The following TP53I13 variants were observed in gnomAD, a reference collection of about 807,000 sequenced individuals.
TP53I13 encodes tumor protein p53-inducible protein 13.
A neutral mutation model predicts 39.1 loss-of-function variants in TP53I13; 27 were observed. That is an observed-to-expected ratio of 0.69 (90% CI 0.51 to 0.95). TP53I13 has a LOEUF of 0.95. Among genes scored for constraint, TP53I13 ranks in the 40% least tolerant of loss-of-function variants. TP53I13 has a pLI of 0.00. For synonymous variants in TP53I13, 230 were observed against 224.6 expected (o/e 1.02, Z -0.22); for missense variants, 544 against 520.4 (o/e 1.05, Z -0.44).
downstream of TP53I13, among the ~76,000 whole-genome samples, chr17:29,577,448 G>A (rs912331188): frequency 2.0e-5 from 3 of 152,134 alleles, no homozygotes; most frequent in Non-Finnish European, 4.4e-5. Flanking sequence ...AGCAGAGGCC[G>A]GAACACCCAC....
chr17:29,566,693 C>A (rs957259306), upstream of TP53I13: 1 of 1,588,382 alleles, frequency 6.3e-7, no homozygotes, highest in Non-Finnish European at 8.5e-7. Flanking sequence ...GCCTCCAGCG[C>A]CTCTGAGCGC....
chr17:29,579,205 A>G, the TP53I13 span: 1 of 582,878 alleles, frequency 1.7e-6, no homozygotes, highest in South Asian at 2.1e-5. Flanking sequence ...CACCAGTGTC[A>G]GCCACCTGGC....
chr17:29,567,949 G>A (rs900701508), upstream of TP53I13: 1 of 152,094 alleles, frequency 6.6e-6, no homozygotes, highest in Non-Finnish European at 1.5e-5. This position sits in a 1 kb window ranked among gnomAD's most constrained non-coding sequence, Gnocchi z 6.6. Flanking sequence ...GCGCCCCGCT[G>A]CGGGGCGGGC....
downstream of TP53I13, chr17:29,575,761 A>G: frequency 1.3e-6 from 2 of 1,598,500 alleles, no homozygotes; most frequent in Non-Finnish European, 1.7e-6. This position sits in a 1 kb window ranked among gnomAD's most constrained non-coding sequence, Gnocchi z 5.5. Flanking sequence ...CACTGCCCCT[A>G]GCCCACACGG....
chr17:29,581,737 C>T, the TP53I13 span: 1 of 1,607,396 alleles, frequency 6.2e-7, no homozygotes, highest in Non-Finnish European at 8.5e-7. The surrounding 1 kb of genome is among the most constrained non-coding windows in gnomAD (Gnocchi z 4.8). Flanking sequence ...CCAAGCTCTG[C>T]TCACCCGGCT....
At chr17:29,570,873 C>T (rs1414066219) in intron 3 of TP53I13, 3 of 152,552 alleles carry the variant, frequency 2.0e-5, no homozygotes, top group Non-Finnish European at 4.4e-5. Flanking sequence ...CCATACTCCC[C>T]CAGCCATCTT....
chr17:29,577,171 C>T (rs747932714), downstream of TP53I13: 9 of 1,613,968 alleles, frequency 5.6e-6, no homozygotes, highest in East Asian at 8.9e-5. Flanking sequence ...CTGCTGTCTC[C>T]GCTTGGCCTC....
the TP53I13 span, among the ~76,000 whole-genome samples, chr17:29,579,850 C>T: frequency 6.6e-6 from 1 of 152,262 alleles, no homozygotes; most frequent in Admixed American, 6.5e-5. Context: ...AAGCAGCCTG[C>T]AAGTCACACA....
chr17:29,572,003 T>A lies in TP53I13; in HGVS notation c.459T>A (p.Ala153=). ...WIYCESLSGP[A]PSEPTPGRGR... ...ACTGTGAAAGCCTTTCAGGGCCTGC[T>A]CCCTCCGAGCCAACTCCCGGTAGAG... Residue 153 remains alanine (A), a synonymous_variant, in exon 5 of 7, where the codon GCT becomes GCA. Coordinates refer to ENST00000301057, the MANE Select transcript of TP53I13 (RefSeq NM_138349.4). 1 of 1,613,038 alleles carries A rather than the reference T, an allele frequency of 6.2e-7. No homozygotes were observed. Among genetic ancestry groups the A allele is most frequent in the East Asian group, 2.2e-5 (1 of 44,866 alleles).
chr17:29,567,651 G>A (rs528944307), upstream of TP53I13, among the ~76,000 whole-genome samples: 417 of 152,198 alleles, frequency 2.7e-3, 3 homozygotes, highest in African/African-American at 9.9e-3. The surrounding 1 kb of genome is among the most constrained non-coding windows in gnomAD (Gnocchi z 6.6). Flanking sequence ...CCTCGCCCCC[G>A]TCCCCGCGAG....
chr17:29,576,866 G>C (rs1046210524), downstream of TP53I13: 1 of 1,575,660 alleles, frequency 6.3e-7, no homozygotes. Context: ...CTCAGACCCG[G>C]GCCCGGTTGC....
chr17:29,577,807 G>T, downstream of TP53I13: 3 of 975,242 alleles, frequency 3.1e-6, no homozygotes, highest in Non-Finnish European at 5.0e-6. Flanking sequence ...GGGTGGGGAA[G>T]CACTGAGCCC....
At chr17:29,577,729 G>C, downstream of TP53I13, 2 of 1,609,710 alleles carry the variant, frequency 1.2e-6, no homozygotes, top group Non-Finnish European at 1.7e-6. Context: ...TGTGGTTTTG[G>C]GTAGCCAGCC....
chr17:29,575,375 C>G, downstream of TP53I13: 1 of 1,613,680 alleles, frequency 6.2e-7, no homozygotes, highest in South Asian at 1.1e-5. This position sits in a 1 kb window ranked among gnomAD's most constrained non-coding sequence, Gnocchi z 5.5. Flanking sequence ...ATCCTCTGTG[C>G]TGGGAAGCCC....
At chr17:29,569,531 A>G (rs2032846821) in intron 3 of TP53I13, 172 bp downstream of exon 3, 1 of 601,370 alleles carries the variant, frequency 1.7e-6, no homozygotes, top group Non-Finnish European at 2.9e-6. Context: ...GATCAGCCCC[A>G]GGACAGATGG....
rs1238622950 is a variant in TP53I13, at chr17:29,572,171, C to T, written c.543C>T (p.Ser181=). 7.5e-6 allele frequency: 12 copies of T among 1,607,996 alleles called. No homozygotes were observed. Among genetic ancestry groups the T allele is most frequent in the African/African-American group, 1.3e-5 (1 of 74,824 alleles). ...TGGCTCTGGCCTTTGCTCTGCGGAG[C>T]TGGCGGCCCCCTGGCACAGAGGTGA... ...QALALAFALR[S]WRPPGTEVTS... is the part of the protein sequence containing the mutation. Residue 181 remains serine, a synonymous_variant, in exon 6 of 7, where the codon AGC becomes AGT. Transcript: ENST00000301057.
downstream of TP53I13, chr17:29,575,849 G>A (rs763846891): frequency 9.9e-6 from 16 of 1,612,270 alleles, no homozygotes; most frequent in Admixed American, 1.7e-5. The surrounding 1 kb of genome is among the most constrained non-coding windows in gnomAD (Gnocchi z 5.5). Context: ...GGACAGCAGC[G>A]GGGAGGAGGG....
downstream of TP53I13, chr17:29,577,549 G>T: frequency 1.2e-6 from 1 of 842,732 alleles, no homozygotes; most frequent in Non-Finnish European, 2.0e-6. Flanking sequence ...CCTGGCAAAT[G>T]CTGGAGAGCT....
chr17:29,575,499 A>G (rs1276077182), downstream of TP53I13: 1 of 1,589,142 alleles, frequency 6.3e-7, no homozygotes, highest in African/African-American at 1.4e-5. This position sits in a 1 kb window ranked among gnomAD's most constrained non-coding sequence, Gnocchi z 5.5. Flanking sequence ...AAACAGAGAC[A>G]AAGATACATA....
Sources: allele counts gnomAD v4.1 joint callset (sites outside exome capture counted in the v4.1 genomes callset), GRCh38; gene constraint gnomAD v4.1.1; non-coding constraint Gnocchi (gnomAD v3.1); transcripts MANE v1.5; gene names NCBI Gene and HGNC (gene_info 2026-07-23, HGNC 2026-07-21).